BMP2K: variants seen among roughly 807,000 people sequenced by gnomAD.
BMP2K encodes BMP-2-inducible protein kinase.
A neutral mutation model predicts 116.0 loss-of-function variants in BMP2K; 74 were observed. That is an observed-to-expected ratio of 0.64 (90% CI 0.53 to 0.77). BMP2K has a LOEUF of 0.77. BMP2K is among the 30% of genes least tolerant of loss of function. The pLI is 0.00. For missense variants in BMP2K, 1,365 were observed against 1,403.6 expected, an observed-to-expected ratio of 0.97 and a Z score of 0.44; for synonymous variants, 486 against 502.5, an observed-to-expected ratio of 0.97 and a Z score of 0.44.
chr4:78,887,182 G>A lies in BMP2K; in HGVS notation c.1960G>A (p.Glu654Lys), dbSNP rs372259794. ...TCATCTTATTTTTGCAGATAGGCTC[G>A]AGGAGAGAGCATCCTCAGATAAGAA... ...EFDLLRSNRL[E>K]ERASSDKNVD... Residue 654 changes from glutamate to lysine, a missense_variant, in exon 15 of 16, where the codon GAG becomes AAG. Glu to Lys is a moderately conservative substitution (Grantham distance 56). This residue lies in a region of BMP2K where 596 missense variants were observed against 623.2 expected (regional missense o/e 0.96). Transcript: ENST00000502613. 4 of 1,601,510 alleles carry A rather than the reference G, an allele frequency of 2.5e-6. No individual in the cohort carries two copies. The African/African-American group carries it at 4.0e-5, about 16-fold the overall frequency.
intron 1 of BMP2K, among the ~76,000 whole-genome samples, chr4:78,814,575 T>G (rs1291634712): frequency 6.6e-6 from 1 of 152,122 alleles, no homozygotes; most frequent in African/African-American, 2.4e-5. Context: ...CCCCTTTTGC[T>G]TAGCACTTCT....
intron 15 of BMP2K, among the ~76,000 whole-genome samples, chr4:78,893,763 C>T (rs1047046511): frequency 6.6e-6 from 1 of 152,178 alleles, no homozygotes; most frequent in Non-Finnish European, 1.5e-5. Context: ...TTGGGTCTCA[C>T]TATGTTGCCC....
At chr4:78,854,163 CT>C (rs765059261) in intron 7 of BMP2K, among the ~76,000 whole-genome samples, 495 of 112,402 alleles carry the variant, frequency 4.4e-3, no homozygotes, top group Admixed American at 4.6e-3. Flanking sequence ...CAGGTAAAAG[CT>C]TTTTTTTTTT....
intron 1 of BMP2K, among the ~76,000 whole-genome samples, chr4:78,821,870 G>A (rs189820356): frequency 4.1e-4 from 62 of 152,134 alleles, no homozygotes; most frequent in Non-Finnish European, 6.9e-4. Context: ...GTGAATTTGA[G>A]GGGAGTTACA....
At position 78,842,528 on chromosome 4, in the gene BMP2K, G is replaced by T; in HGVS notation, c.546+1G>T. 6.4e-7 allele frequency: 1 copy of T among 1,568,770 alleles called. No individual in the cohort carries two copies. The highest frequency in any genetic ancestry group is 8.7e-7 in the Non-Finnish European group (1 of 1,148,862). ...TCCAATAATTCACCGGGATCTGAAG[G>T]TAAGAACTTTAGAATTCCTATGGAT... On this transcript the variant is annotated splice_donor_variant, in intron 4 of 15. Coordinates refer to ENST00000502613, the MANE Select transcript of BMP2K (RefSeq NM_198892.2). LOFTEE classifies it high-confidence loss of function.
intron 9 of BMP2K, among the ~76,000 whole-genome samples, chr4:78,863,697 G>A (rs1261854852): frequency 3.3e-5 from 5 of 152,102 alleles, no homozygotes; most frequent in African/African-American, 7.2e-5. Flanking sequence ...CAGCAGTATC[G>A]ATGCAATAAT....
intron 12 of BMP2K, 130 bp downstream of exon 12, chr4:78,872,078 GCCA>G: frequency 1.4e-6 from 1 of 689,920 alleles, no homozygotes; most frequent in Non-Finnish European, 2.4e-6. Context: ...TTTTATCAAA[GCCA>G]GTCATATATT....
intron 6 of BMP2K, among the ~76,000 whole-genome samples, chr4:78,849,787 T>G (rs1251526853): frequency 1.3e-5 from 2 of 151,750 alleles, no homozygotes; most frequent in Non-Finnish European, 3.0e-5. Flanking sequence ...TTTGAAATTT[T>G]TAGAGCTTTT....
At chr4:78,844,837 C>T (rs1303098912) in intron 4 of BMP2K, 91 bp from the exon 5 acceptor site, 15 of 1,143,624 alleles carry the variant, frequency 1.3e-5, no homozygotes, top group Non-Finnish European at 2.6e-6. Context: ...AAATAAGCTT[C>T]GTATGTACAA....
intron 1 of BMP2K, among the ~76,000 whole-genome samples, chr4:78,825,818 C>T (rs1156440239): frequency 2.0e-5 from 3 of 152,146 alleles, no homozygotes; most frequent in South Asian, 2.1e-4. Context: ...AAGAGAGAAG[C>T]GTCTTCATTC....
intron 14 of BMP2K, among the ~76,000 whole-genome samples, chr4:78,881,326 A>T (rs1174566876): frequency 1.3e-5 from 2 of 152,170 alleles, no homozygotes; most frequent in African/African-American, 4.8e-5. Flanking sequence ...TTAACAGTCA[A>T]ATTAGAAGGG....
intron 3 of BMP2K, among the ~76,000 whole-genome samples, chr4:78,837,921 G>C (rs1300541931): frequency 6.6e-6 from 1 of 152,206 alleles, no homozygotes; most frequent in Non-Finnish European, 1.5e-5. Context: ...GCGATTAAGG[G>C]CAGAACCAGT....
intron 2 of BMP2K, among the ~76,000 whole-genome samples, chr4:78,828,566 T>G (rs1329354530): frequency 2.0e-5 from 3 of 151,932 alleles, no homozygotes; most frequent in African/African-American, 4.8e-5. Context: ...TTGGGGCAGG[T>G]GAAAGGAGGG....
chr4:78,852,074 A>G (rs1399101416), intron 7 of BMP2K, among the ~76,000 whole-genome samples: 1 of 152,100 alleles, frequency 6.6e-6, no homozygotes, highest in Admixed American at 6.6e-5. Context: ...GGAGCATAGA[A>G]GAAATCTAGT....
chr4:78,896,429 A>G (rs1733705177), intron 15 of BMP2K, among the ~76,000 whole-genome samples: 1 of 152,234 alleles, frequency 6.6e-6, no homozygotes, highest in African/African-American at 2.4e-5. Context: ...CATTTGACCC[A>G]GGCAAATCAC....
intron 6 of BMP2K, among the ~76,000 whole-genome samples, chr4:78,849,446 G>A (rs1416496974): frequency 6.6e-6 from 1 of 151,434 alleles, no homozygotes; most frequent in Non-Finnish European, 1.5e-5. Flanking sequence ...ATTGTTATCT[G>A]GGAACCCTAC....
intron 1 of BMP2K, among the ~76,000 whole-genome samples, chr4:78,804,533 A>C (rs1476867330): frequency 6.6e-6 from 1 of 152,144 alleles, no homozygotes; most frequent in Non-Finnish European, 1.5e-5. Context: ...ATGGTTGCAC[A>C]ATTTTAATTT....
In BMP2K at chr4:78,878,754, C is replaced by A. The variant is rs1160921673; in HGVS notation, c.1814C>A (p.Ala605Asp). The A allele has an allele frequency of 6.2e-7, 1 of 1,611,268 alleles. No homozygotes were observed. Among genetic ancestry groups the A allele is most frequent in the African/African-American group, 1.3e-5 (1 of 74,858 alleles). Residue 605 changes from alanine to aspartate, a missense_variant, in exon 14 of 16, where the codon GCC becomes GAC. Transcript: ENST00000502613. ...SANRSVADKE[A>D]IANFTNQKNI... ...TATAGGTCAGTTGCTGATAAAGAGG[C>A]CATTGCAAATTTCACAAATCAGAAG... is the stretch of plus-strand genomic sequence containing the variant.
At chr4:78,846,034 A>G (rs532224543) in intron 5 of BMP2K, among the ~76,000 whole-genome samples, 6 of 151,870 alleles carry the variant, frequency 4.0e-5, no homozygotes, top group Admixed American at 3.9e-4. Flanking sequence ...ATACATGTAT[A>G]TAATTTTAAA....
Sources: allele counts gnomAD v4.1 joint callset (sites outside exome capture counted in the v4.1 genomes callset), GRCh38; gene constraint gnomAD v4.1.1; regional missense constraint gnomAD v4.1.1; transcripts MANE v1.5; gene names NCBI Gene and HGNC (gene_info 2026-07-23, HGNC 2026-07-21).